Variants in CEP162 observed in about 807,000 individuals in gnomAD.
The protein encoded by CEP162 is centrosomal protein of 162 kDa.
A neutral mutation model predicts 169.2 loss-of-function variants in CEP162; 141 were observed. That is an observed-to-expected ratio of 0.83 (90% CI 0.73 to 0.96). The LOEUF (loss-of-function observed/expected upper bound fraction) is 0.96, where lower values mean the gene tolerates loss of function less well. CEP162 is among the 40% of genes least tolerant of loss of function. CEP162 has a pLI of 0.00. For synonymous variants in CEP162, 540 were observed against 526.4 expected, an observed-to-expected ratio of 1.03 and a Z score of -0.35; for missense variants, 1,600 against 1,587.2, an observed-to-expected ratio of 1.01 and a Z score of -0.14.
At chr6:84,144,424 T>C (rs565738417) in intron 25 of CEP162, among the ~76,000 whole-genome samples, 38 of 152,230 alleles carry the variant, frequency 2.5e-4, no homozygotes, top group Non-Finnish European at 5.3e-4. Flanking sequence ...CCATATCAAG[T>C]GCATTATAAT....
intron 7 of CEP162, among the ~76,000 whole-genome samples, chr6:84,203,493 G>A (rs1395631245): frequency 6.6e-6 from 1 of 152,146 alleles, no homozygotes; most frequent in Non-Finnish European, 1.5e-5. Context: ...CAACCAGGCT[G>A]GAGTGCAGTG....
In CEP162 at chr6:84,215,842, C is replaced by A; in HGVS notation, c.253G>T (p.Glu85Ter). ...CTGCTCTTAAGAAATTGAATCTTTTCAGCAGACTCCTCTTCTATTTCCATA... is the reference window on the plus strand; with the variant it reads ...CTGCTCTTAAGAAATTGAATCTTTTAAGCAGACTCCTCTTCTATTTCCATA... ...PVMEIEEESAEKIQFLKSSGT... is the reference protein window; with the variant it reads ...PVMEIEEESA Residue 85 changes from glutamate to a stop codon, truncating the protein, a stop_gained, in exon 4 of 27, where the codon GAA (glutamate) becomes TAA (stop). Transcript: ENST00000403245. LOFTEE classifies it high-confidence loss of function. The A allele has an allele frequency of 6.3e-7, 1 of 1,585,478 alleles. No homozygotes were observed. Among genetic ancestry groups the A allele is most frequent in the Admixed American group, 1.8e-5 (1 of 55,884 alleles).
At chr6:84,185,659 G>C (rs1456383233) in intron 12 of CEP162, among the ~76,000 whole-genome samples, 1 of 151,904 alleles carries the variant, frequency 6.6e-6, no homozygotes, top group Non-Finnish European at 1.5e-5. Flanking sequence ...ACAAAGTAAA[G>C]CAAAATAATA....
rs1185688727 is a variant in CEP162, at chr6:84,186,476, TG to T, written c.1256del (p.Thr419LysfsTer12). Reference protein sequence around the residue: ...NDENVILQKTTNESMENSCPQ... With the variant: ...NDENVILQKTXNESMENSCPQ... ...GACAGCTGTTTTCCATACTCTCATT[TG>T]TGGTCTTTTGTAAAATCACATTCTC... On this transcript the variant is annotated frameshift_variant, in exon 12 of 27. Coordinates refer to ENST00000403245, the MANE Select transcript of CEP162 (RefSeq NM_014895.4). LOFTEE classifies it high-confidence loss of function. 1 of 1,613,292 alleles carries T rather than the reference TG, an allele frequency of 6.2e-7. No individual in the cohort carries two copies. The highest frequency in any genetic ancestry group is 8.5e-7 in the Non-Finnish European group (1 of 1,179,506).
intron 25 of CEP162, among the ~76,000 whole-genome samples, chr6:84,141,816 C>T (rs1395217829): frequency 1.3e-5 from 2 of 152,164 alleles, no homozygotes; most frequent in Non-Finnish European, 2.9e-5. Context: ...TCCTTCAGCT[C>T]CAGGCCTTCT....
Position 84,124,705 on chromosome 6 carries a change from C to T in CEP162, c.*365G>A, listed in dbSNP as rs62449272. The T allele has an allele frequency of 0.046, 12,407 of 268,590 alleles. 410 individuals are homozygous for T. Among genetic ancestry groups the T allele is most frequent in the Admixed American group, 0.087 (1,554 of 17,798 alleles). 16.6% of individuals were successfully genotyped at this position (268,590 alleles called of 1,614,324 possible). Reference sequence around the variant, plus strand: ...TTCAATACACCCATGTTACAACAAGCACATGTACCCCCTGGATCTAAAATA... The same window carrying T: ...TTCAATACACCCATGTTACAACAAGTACATGTACCCCCTGGATCTAAAATA... On this transcript the variant is annotated 3_prime_UTR_variant, in exon 27 of 27. Coordinates refer to ENST00000403245, the MANE Select transcript of CEP162 (RefSeq NM_014895.4).
At chr6:84,144,617 T>C (rs539792880) in intron 25 of CEP162, among the ~76,000 whole-genome samples, 6 of 152,150 alleles carry the variant, frequency 3.9e-5, no homozygotes, top group Admixed American at 6.5e-5. Flanking sequence ...TTCAAGATCA[T>C]ACCATTTGGC....
At chr6:84,194,354 CA>C (rs569413628) in intron 10 of CEP162, among the ~76,000 whole-genome samples, 109 of 93,744 alleles carry the variant, frequency 1.2e-3, no homozygotes, top group Non-Finnish European at 1.1e-3. Context: ...GACTCCGTCT[CA>C]AAAAAAAAAA....
At chr6:84,207,262 T>C (rs922581076) in intron 6 of CEP162, among the ~76,000 whole-genome samples, 4 of 152,176 alleles carry the variant, frequency 2.6e-5, no homozygotes, top group East Asian at 1.9e-4. Context: ...TAAAGACATA[T>C]GCACATGTAT....
chr6:84,207,691 A>G (rs909867366), intron 6 of CEP162, among the ~76,000 whole-genome samples: 1 of 150,960 alleles, frequency 6.6e-6, no homozygotes, highest in East Asian at 1.9e-4. Flanking sequence ...CGTTGTGCAC[A>G]TGTACCCTAG....
At chr6:84,210,563 G>A (rs2099549036) in intron 6 of CEP162, among the ~76,000 whole-genome samples, 1 of 152,176 alleles carries the variant, frequency 6.6e-6, no homozygotes, top group Non-Finnish European at 1.5e-5. Context: ...AGAGGAGAGC[G>A]AGATAAGTTC....
intron 13 of CEP162, among the ~76,000 whole-genome samples, chr6:84,183,332 T>G (rs2099535721): frequency 6.6e-6 from 1 of 152,142 alleles, no homozygotes; most frequent in Non-Finnish European, 1.5e-5. Flanking sequence ...TTCTTGGTCA[T>G]TTCAGCATAC....
rs1330983686 is a variant in CEP162 at position 84,185,169 on chromosome 6, T to C, written c.1663+18A>G. On this transcript the variant is annotated intron_variant, in intron 13 of 26. Transcript: ENST00000403245. ...AAAGAAAGTAAAACAATATACTAAATAAAGAGTATATGATTACCTTTTTTC... is the reference window on the plus strand; with the variant it reads ...AAAGAAAGTAAAACAATATACTAAACAAAGAGTATATGATTACCTTTTTTC... The C allele has an allele frequency of 6.3e-7, 1 of 1,584,886 alleles. No homozygotes were observed. The highest frequency in any genetic ancestry group is 1.4e-5 in the African/African-American group (1 of 74,004).
rs554113072 is a variant in CEP162, at chr6:84,133,605, A to G, written c.3871-7093T>C. Among the ~76,000 whole-genome samples, 6 of 152,274 alleles carry G rather than the reference A, an allele frequency of 3.9e-5. No individual in the cohort carries two copies. In the South Asian group the frequency reaches 1.2e-3, roughly 32 times the overall value. Reference sequence around the variant, plus strand: ...CAGCCTTGCTGCTGCCTTGCAGTTCAATCTCGGACTGCTGTGCTAGCAGTG... The same window carrying G: ...CAGCCTTGCTGCTGCCTTGCAGTTCGATCTCGGACTGCTGTGCTAGCAGTG... On this transcript the variant is annotated intron_variant, in intron 25 of 26. Coordinates refer to ENST00000403245, the MANE Select transcript of CEP162 (RefSeq NM_014895.4).
intron 13 of CEP162, among the ~76,000 whole-genome samples, chr6:84,182,088 C>G (rs1300848991): frequency 1.3e-5 from 2 of 151,826 alleles, no homozygotes; most frequent in Non-Finnish European, 2.9e-5. Context: ...TTTAAAAGAA[C>G]CTGTAAAGTG....
rs2129197725 is a variant in CEP162 at position 84,146,224 on chromosome 6, T to C, written c.3870+463A>G. Among the ~76,000 whole-genome samples, 2 of 152,262 alleles carry C rather than the reference T, an allele frequency of 1.3e-5. 1 individual carries two copies. Among genetic ancestry groups the C allele is most frequent in the Admixed American group, 1.3e-4 (2 of 15,270 alleles). On this transcript the variant is annotated intron_variant, in intron 25 of 26. Transcript: ENST00000403245. ...GCCACCATTTTGAGTTACTTTGTGT[T>C]GTGGTTTCTCCTGCATTGTGTGCTG...
chr6:84,198,337 G>C (rs968395644), intron 9 of CEP162, among the ~76,000 whole-genome samples: 9 of 152,100 alleles, frequency 5.9e-5, no homozygotes, highest in African/African-American at 1.9e-4. Context: ...GAGTGCAGTG[G>C]CATGAACTTG....
chr6:84,183,881 T>G (rs1209570848), intron 13 of CEP162, among the ~76,000 whole-genome samples: 1 of 152,130 alleles, frequency 6.6e-6, no homozygotes, highest in Non-Finnish European at 1.5e-5. Context: ...CTAACTCTCC[T>G]AGATGGCTAC....
chr6:84,198,802 C>A (rs938783400), intron 9 of CEP162, among the ~76,000 whole-genome samples: 1 of 152,042 alleles, frequency 6.6e-6, no homozygotes, highest in African/African-American at 2.4e-5. Flanking sequence ...CAAAAGGGTT[C>A]ATTTTAAAGA....
Sources: gnomAD v4.1 joint callset for allele counts (sites outside exome capture counted in the v4.1 genomes callset) on GRCh38, gnomAD v4.1.1 for gene constraint, MANE v1.5 for transcripts, NCBI Gene and HGNC (gene_info 2026-07-23, HGNC 2026-07-21) for gene names.